The following INPP4B variants were observed in gnomAD, a reference collection of about 807,000 sequenced individuals.
The protein encoded by INPP4B is inositol polyphosphate-4-phosphatase type II B.
A neutral mutation model predicts 122.5 loss-of-function variants in INPP4B; 55 were observed. The ratio of observed to expected loss-of-function variants is 0.45; its 90% CI spans 0.36 to 0.56. The LOEUF (loss-of-function observed/expected upper bound fraction) is 0.56, where lower values mean the gene tolerates loss of function less well. INPP4B is among the 20% of genes least tolerant of loss of function. The pLI is 0.00. For missense variants in INPP4B, 1,000 were observed against 1,097.7 expected (o/e 0.91, Z 1.26); for synonymous variants, 403 against 388.7 (o/e 1.04, Z -0.43).
chr4:142,260,092 C>G (rs769163482), intron 11 of INPP4B, among the ~76,000 whole-genome samples: 1 of 152,164 alleles, frequency 6.6e-6, no homozygotes, highest in Non-Finnish European at 1.5e-5. Flanking sequence ...TCAAGCGATT[C>G]TCTTGCCTCA....
intron 12 of INPP4B, among the ~76,000 whole-genome samples, chr4:142,216,565 C>A (rs1847361096): frequency 6.6e-6 from 1 of 152,154 alleles, no homozygotes; most frequent in Non-Finnish European, 1.5e-5. Context: ...AATATTCATA[C>A]AGATCTCTGG....
intron 15 of INPP4B, among the ~76,000 whole-genome samples, chr4:142,187,349 A>G (rs1833601198): frequency 6.6e-6 from 1 of 152,102 alleles, no homozygotes; most frequent in Non-Finnish European, 1.5e-5. Context: ...AATATACTTT[A>G]TTGAAATATT....
chr4:142,530,794 AG>A (rs1220080858), intron 2 of INPP4B, among the ~76,000 whole-genome samples: 1 of 151,982 alleles, frequency 6.6e-6, no homozygotes, highest in Non-Finnish European at 1.5e-5. Context: ...GCAACTGAAG[AG>A]GCCTTAAAGT....
chr4:142,160,888 A>C (rs1819779694), intron 16 of INPP4B, among the ~76,000 whole-genome samples: 1 of 151,994 alleles, frequency 6.6e-6, no homozygotes, highest in African/African-American at 2.4e-5. Context: ...TCATTTGAAC[A>C]ACATCTACCT....
At chr4:142,055,466 A>AT (rs1757121462) in intron 25 of INPP4B, among the ~76,000 whole-genome samples, 1 of 152,038 alleles carries the variant, frequency 6.6e-6, no homozygotes, top group Non-Finnish European at 1.5e-5. Context: ...GTTTTTTCCT[A>AT]TTGTTTATCT....
At chr4:142,725,518 A>G (rs1234261737) in intron 2 of INPP4B, among the ~76,000 whole-genome samples, 1 of 152,150 alleles carries the variant, frequency 6.6e-6, no homozygotes, top group East Asian at 1.9e-4. Flanking sequence ...ATTTGTAAAT[A>G]TGATAAACCA....
intron 9 of INPP4B, among the ~76,000 whole-genome samples, chr4:142,281,440 T>C (rs890915088): frequency 1.3e-5 from 2 of 151,778 alleles, no homozygotes; most frequent in African/African-American, 4.8e-5. Flanking sequence ...AAACTTTCCA[T>C]AGATAACAGG....
At chr4:142,545,816 T>C (rs571701916) in intron 2 of INPP4B, among the ~76,000 whole-genome samples, 2,987 of 60,816 alleles carry the variant, frequency 0.049, 127 homozygotes, top group South Asian at 0.095. Flanking sequence ...CACATATACA[T>C]GTGTGTATAT....
chr4:142,341,187 C>A (rs1221456481), intron 7 of INPP4B, among the ~76,000 whole-genome samples: 1 of 152,118 alleles, frequency 6.6e-6, no homozygotes, highest in African/African-American at 2.4e-5. Context: ...CAAAAGTGAA[C>A]CTCTTTATGT....
intron 2 of INPP4B, among the ~76,000 whole-genome samples, chr4:142,532,525 A>G (rs965075689): frequency 6.6e-6 from 1 of 152,256 alleles, no homozygotes; most frequent in East Asian, 1.9e-4. Context: ...CAAGATAGCA[A>G]CTTTCAACCA....
chr4:142,688,533 A>G (rs1271833373), intron 2 of INPP4B, among the ~76,000 whole-genome samples: 1 of 152,136 alleles, frequency 6.6e-6, no homozygotes, highest in Non-Finnish European at 1.5e-5. Context: ...CTTTGCAAAA[A>G]TTATAACTGA....
chr4:142,300,961 G>A (rs904969771), intron 9 of INPP4B, among the ~76,000 whole-genome samples: 13 of 152,054 alleles, frequency 8.5e-5, no homozygotes, highest in Admixed American at 2.0e-4. Flanking sequence ...GTGGGGTGGG[G>A]GTGTGGTGAC....
At chr4:142,784,784 T>C (rs1039936832) in intron 1 of INPP4B, among the ~76,000 whole-genome samples, 1 of 152,078 alleles carries the variant, frequency 6.6e-6, no homozygotes, top group South Asian at 2.1e-4. Flanking sequence ...CCTTTTACAA[T>C]GCATCCATAG....
intron 23 of INPP4B, among the ~76,000 whole-genome samples, chr4:142,091,389 G>A (rs984176454): frequency 3.3e-5 from 5 of 152,118 alleles, no homozygotes; most frequent in African/African-American, 7.2e-5. Flanking sequence ...CCGGTCATGC[G>A]TCATTGACCA....
intron 2 of INPP4B, among the ~76,000 whole-genome samples, chr4:142,471,616 G>A (rs1231376343): frequency 2.0e-5 from 3 of 152,206 alleles, no homozygotes; most frequent in Non-Finnish European, 4.4e-5. Flanking sequence ...GCCTTTGCCA[G>A]CTGTCAAGAC....
At chr4:142,375,865 C>G (rs1561961283) in intron 7 of INPP4B, among the ~76,000 whole-genome samples, 1 of 151,990 alleles carries the variant, frequency 6.6e-6, no homozygotes, top group East Asian at 1.9e-4. Flanking sequence ...AGCAAGTGCC[C>G]ACACCTGGAC....
At chr4:142,156,905 G>C (rs950547414) in intron 17 of INPP4B, among the ~76,000 whole-genome samples, 1 of 152,036 alleles carries the variant, frequency 6.6e-6, no homozygotes, top group Admixed American at 6.6e-5. Context: ...TTCAAGTCAG[G>C]TAATTATTAC....
intron 16 of INPP4B, among the ~76,000 whole-genome samples, chr4:142,162,075 G>A (rs1253068725): frequency 1.3e-5 from 2 of 151,690 alleles, no homozygotes; most frequent in African/African-American, 4.8e-5. Context: ...TATAATGCCT[G>A]TGTAACTACT....
At chr4:142,739,790 A>G (rs1767635591) in intron 1 of INPP4B, among the ~76,000 whole-genome samples, 1 of 152,066 alleles carries the variant, frequency 6.6e-6, no homozygotes, top group Admixed American at 6.6e-5. Context: ...TTCACAATGT[A>G]ACTGAAATAA....
Sources: allele counts gnomAD v4.1 joint callset (sites outside exome capture counted in the v4.1 genomes callset), GRCh38; gene constraint gnomAD v4.1.1; transcripts MANE v1.5; gene names NCBI Gene and HGNC (gene_info 2026-07-23, HGNC 2026-07-21).